Variants in IFI44L observed in about 807,000 individuals in gnomAD.
IFI44L encodes interferon-induced protein 44-like.
IFI44L carries 40 observed loss-of-function variants against 39.3 expected under a neutral mutation model. That is an observed-to-expected ratio of 1.02 (90% confidence interval 0.79 to 1.33). The LOEUF is 1.33. Among genes scored for constraint, IFI44L ranks in the 40% most tolerant of loss-of-function variants. The pLI is 0.00. For synonymous variants in IFI44L, 198 were observed against 182.3 expected, an observed-to-expected ratio of 1.09 and a Z score of -0.69; for missense variants, 623 against 549.0, an observed-to-expected ratio of 1.13 and a Z score of -1.35.
chr1:78,641,603 GA>G lies in IFI44L; in HGVS notation c.1321del (p.Thr441LeufsTer37), dbSNP rs1557691498. On this transcript the variant is annotated frameshift_variant, in exon 8 of 9. Transcript: ENST00000370751. LOFTEE classifies it low-confidence loss of function (END_TRUNC). The stretch of plus-strand genomic sequence containing the variant: ...TTTTTTAGAAGATTTGCCTCTTGAG[GA>G]AACTGGTAATCTGGCCCTTTTCTCC... ...DDFLEDLPLE[E>X]TGAIERALQP... 1.2e-6 allele frequency: 2 copies of G among 1,613,380 alleles called. No homozygotes were observed. The highest frequency in any genetic ancestry group is 1.7e-6 in the Non-Finnish European group (2 of 1,179,462).
At position 78,644,730 on chromosome 1, in the gene IFI44L, G is replaced by GA. The variant is rs1647028791; in HGVS notation, c.*2926dup. ...AGTCAAAGACACTAAATTCTTCTTA[G>GA]AAAAATAGTGCTAAGGAGTATAGCA... On this transcript the variant is annotated 3_prime_UTR_variant, in exon 9 of 9. Coordinates refer to ENST00000370751, the MANE Select transcript of IFI44L (RefSeq NM_006820.4). The GA allele has an allele frequency of 6.6e-6, 1 of 152,148 alleles. No homozygotes were observed. The highest frequency in any genetic ancestry group is 6.6e-5 in the Admixed American group (1 of 15,258). 9.4% of individuals were successfully genotyped at this position (152,148 alleles called of 1,614,324 possible). A position where few individuals can be genotyped will look rare whatever the true frequency, so the allele number is the denominator to read the frequency against.
chr1:78,643,829 T>C lies in IFI44L; in HGVS notation c.*2020T>C, dbSNP rs1647016280. 1 of 152,062 alleles carries C rather than the reference T, an allele frequency of 6.6e-6. No individual in the cohort carries two copies. The highest frequency in any genetic ancestry group is 1.5e-5 in the Non-Finnish European group (1 of 68,000). 9.4% of individuals were successfully genotyped at this position (152,062 alleles called of 1,614,324 possible). A position where few individuals can be genotyped will look rare whatever the true frequency, so the allele number is the denominator to read the frequency against. ...AAATAACTAAGGGAAGTTAGTGCCT[T>C]GTGACCACATCTATGTGACTTTTAG... On this transcript the variant is annotated 3_prime_UTR_variant, in exon 9 of 9. Coordinates refer to ENST00000370751, the MANE Select transcript of IFI44L (RefSeq NM_006820.4).
chr1:78,630,139 A>T, intron 4 of IFI44L: 1 of 449,454 alleles, frequency 2.2e-6, no homozygotes, highest in Non-Finnish European at 4.0e-6. Context: ...AATACTTTTT[A>T]GTATTTGTAT....
At chr1:78,639,596 C>G (rs1477348697) in intron 6 of IFI44L, among the ~76,000 whole-genome samples, 1 of 152,066 alleles carries the variant, frequency 6.6e-6, no homozygotes, top group Non-Finnish European at 1.5e-5. Flanking sequence ...TCTTGGGTCT[C>G]AAGGTCTCTA....
chr1:78,639,255 T>C (rs185077827), intron 6 of IFI44L, among the ~76,000 whole-genome samples: 51 of 152,200 alleles, frequency 3.4e-4, no homozygotes, highest in Admixed American at 3.0e-3. Flanking sequence ...ATAGTGCAGG[T>C]ATAAATGTCC....
chr1:78,625,336 A>G (rs912469931), intron 1 of IFI44L, among the ~76,000 whole-genome samples: 3 of 152,114 alleles, frequency 2.0e-5, no homozygotes, highest in Admixed American at 1.3e-4. Context: ...GCTATGAGAT[A>G]GTCAAATTTT....
At chr1:78,633,519 C>T (rs1421493083) in intron 4 of IFI44L, among the ~76,000 whole-genome samples, 3 of 152,150 alleles carry the variant, frequency 2.0e-5, no homozygotes, top group African/African-American at 7.2e-5. Context: ...TCACAGTGGT[C>T]CCAGGCTTTG....
In IFI44L at chr1:78,637,035, A is replaced by C. The variant is rs1199408287; in HGVS notation, c.880A>C (p.Asn294His). The change falls in exon 6 of 9, where the codon AAT (asparagine) becomes CAT (histidine). Residue 294 changes from asparagine (N) to histidine (H), a missense_variant. Coordinates refer to ENST00000370751, the MANE Select transcript of IFI44L (RefSeq NM_006820.4). ...KGCMPDRYQF[N>H]SRKPITPEHS... ...TTACCTTATGTTTTTATAACAGTTTAATTCCCGTAAACCAATTACACCTGA... is the reference window on the plus strand; with the variant it reads ...TTACCTTATGTTTTTATAACAGTTTCATTCCCGTAAACCAATTACACCTGA... 5 of 1,607,170 alleles carry C rather than the reference A, an allele frequency of 3.1e-6. No individual in the cohort carries two copies. Among genetic ancestry groups the C allele is most frequent in the Non-Finnish European group, 4.3e-6 (5 of 1,174,776 alleles).
intron 4 of IFI44L, among the ~76,000 whole-genome samples, chr1:78,630,623 A>C (rs1206948822): frequency 2.0e-5 from 3 of 152,196 alleles, no homozygotes; most frequent in African/African-American, 7.2e-5. Context: ...TGATTACCAC[A>C]AATTAATATT....
chr1:78,639,343 G>A (rs1455331192), intron 6 of IFI44L, among the ~76,000 whole-genome samples: 4 of 152,052 alleles, frequency 2.6e-5, no homozygotes, highest in Admixed American at 6.6e-5. Context: ...ACATATCCAT[G>A]GATAGGGCTA....
chr1:78,641,310 G>A (rs937974146), intron 7 of IFI44L, 125 bp from the exon 8 acceptor site: 5 of 933,734 alleles, frequency 5.4e-6, no homozygotes, highest in South Asian at 1.7e-5. Context: ...CTGAATTATT[G>A]TATGTTCCGA....
In IFI44L at chr1:78,643,415, G is replaced by A. The variant is rs1647010473; in HGVS notation, c.*1606G>A. ...AGTAACACACCAATATACCAAAACA[G>A]CAGGTATTGCAGTAGAGAAAGAGTT... On this transcript the variant is annotated 3_prime_UTR_variant, in exon 9 of 9. Coordinates refer to ENST00000370751, the MANE Select transcript of IFI44L (RefSeq NM_006820.4). The A allele has an allele frequency of 6.6e-6, 1 of 152,082 alleles. No homozygotes were observed. Among genetic ancestry groups the A allele is most frequent in the Non-Finnish European group, 1.5e-5 (1 of 68,022 alleles). The allele number at this position is 152,082 out of a possible 1,614,324, so 9.4% of individuals were successfully genotyped here. A position where few individuals can be genotyped will look rare whatever the true frequency, so the allele number is the denominator to read the frequency against.
chr1:78,641,117 G>T lies in IFI44L; in HGVS notation c.1145G>T (p.Ser382Ile). Reference protein sequence around the residue: ...LNMSRSMTSQSRVMNVHKMLG... With the variant: ...LNMSRSMTSQIRVMNVHKMLG... The stretch of plus-strand genomic sequence containing the variant: ...ATGAGTAGATCTATGACTTCTCAAA[G>T]CCGGGTAAAAAATGCTGATCATAAC... Residue 382 changes from serine (S) to isoleucine (I), a missense_variant, in exon 7 of 9, where the codon AGC (serine) becomes ATC (isoleucine). By Grantham distance (142) the Ser-to-Ile change is moderately radical. Coordinates refer to ENST00000370751, the MANE Select transcript of IFI44L (RefSeq NM_006820.4). 2 of 1,604,272 alleles carry T rather than the reference G, an allele frequency of 1.2e-6. No individual in the cohort carries two copies. The highest frequency in any genetic ancestry group is 1.1e-5 in the South Asian group (1 of 90,804).
intron 6 of IFI44L, 29 bp from the exon 7 acceptor site, chr1:78,640,991 TA>T (rs1258421699): frequency 1.4e-6 from 2 of 1,466,328 alleles, no homozygotes; most frequent in African/African-American, 2.8e-5. Flanking sequence ...ATTTATGATA[TA>T]AAATAACTGA....
At chr1:78,630,177 A>G (rs1015065990) in intron 4 of IFI44L, 1 of 355,266 alleles carries the variant, frequency 2.8e-6, no homozygotes, top group African/African-American at 2.1e-5. Context: ...TAAAAACCCT[A>G]TGAAAATCTT....
intron 7 of IFI44L, 63 bp downstream of exon 7, chr1:78,641,184 T>A: frequency 4.3e-6 from 5 of 1,170,340 alleles, no homozygotes; most frequent in East Asian, 2.3e-5. Context: ...CGTGTGTGTG[T>A]TTGTGTGTGT....
At chr1:78,625,786 A>G (rs988396494) in intron 1 of IFI44L, 1 of 151,984 alleles carries the variant, frequency 6.6e-6, no homozygotes, top group Non-Finnish European at 1.5e-5. Flanking sequence ...TTAAACTTAT[A>G]TGATTTTTGT....
Position 78,637,170 on chromosome 1 carries a change from G to A in IFI44L, c.1015G>A (p.Val339Met). Residue 339 changes from valine to methionine, a missense_variant, in exon 6 of 9, where the codon GTG (valine) becomes ATG (methionine). Val to Met is a conservative substitution (Grantham distance 21). Transcript: ENST00000370751. The part of the protein sequence containing the change: ...DNLYSKMLAK[V>M]KQVHKEVLNC... ...TCTCTACTCTAAAATGTTGGCAAAAGTGAAGCAAGTTCACAAAGAAGTATT... is the reference window on the plus strand; with the variant it reads ...TCTCTACTCTAAAATGTTGGCAAAAATGAAGCAAGTTCACAAAGAAGTATT... The A allele has an allele frequency of 1.9e-6, 3 of 1,608,482 alleles. No individual in the cohort carries two copies. The highest frequency in any genetic ancestry group is 1.7e-6 in the Non-Finnish European group (2 of 1,178,122).
rs1323931943 is a variant in IFI44L, at chr1:78,628,054, C to G, written c.139C>G (p.Gln47Glu). ...IEDMVERCSR[Q>E]GCTITMAYID... is the part of the protein sequence containing the mutation. ...AGATATGGTTGAAAGATGCAGCCGT[C>G]AGGGATGTACTATAACAATGGCTTA... The change falls in exon 2 of 9, where the codon CAG becomes GAG. Residue 47 changes from glutamine (Q) to glutamate (E), a missense_variant. By Grantham distance (29) the Gln-to-Glu change is conservative. Transcript: ENST00000370751. The G allele has an allele frequency of 1.2e-6, 2 of 1,613,160 alleles. No individual in the cohort carries two copies. Among genetic ancestry groups the G allele is most frequent in the Non-Finnish European group, 1.7e-6 (2 of 1,179,456 alleles).
Sources: allele counts gnomAD v4.1 joint callset (sites outside exome capture counted in the v4.1 genomes callset), GRCh38; gene constraint gnomAD v4.1.1; transcripts MANE v1.5; gene names NCBI Gene and HGNC (gene_info 2026-07-23, HGNC 2026-07-21).